The following NAIP variants were observed in gnomAD, a reference collection of about 807,000 sequenced individuals.
The protein encoded by NAIP is NLR family apoptosis inhibitory protein, also known as baculoviral IAP repeat-containing protein 1.
In NAIP, 15 loss-of-function variants were observed where a neutral mutation model predicts 23.0. That is an observed-to-expected ratio of 0.65 (90% CI 0.44 to 1.00). NAIP has a LOEUF of 1.00. Among genes scored for constraint, NAIP ranks in the 50% least tolerant of loss-of-function variants. The pLI is 0.00. For missense variants in NAIP, 265 were observed against 278.8 expected, an observed-to-expected ratio of 0.95 and a Z score of 0.35; for synonymous variants, 100 against 100.2, an observed-to-expected ratio of 1.00 and a Z score of 0.01.
Position 71,012,768 on chromosome 5 carries a change from G to T in NAIP, c.148C>A (p.Gln50Lys). ...CGCATTTGAGAGTTGTAGCCTTTCT[G>T]CATTTTTGCTCGCTCCTTCTGCTCC... ...EEEQKERAKM[Q>K]KGYNSQMRSE... The change falls in exon 4 of 17, where the codon CAG becomes AAG. Residue 50 changes from glutamine (Q) to lysine (K), a missense_variant. By Grantham distance (53) the Gln-to-Lys change is moderately conservative. Around this residue, in one of 2 missense-constraint regions of NAIP, gnomAD observed 261 missense variants for 259.2 expected, o/e 1.01. Transcript: ENST00000517649. 4 of 1,611,902 alleles carry T rather than the reference G, an allele frequency of 2.5e-6. No homozygotes were observed. The highest frequency in any genetic ancestry group is 3.4e-6 in the Non-Finnish European group (4 of 1,178,510).
In NAIP at chr5:71,011,294, G is replaced by A; in HGVS notation, c.649C>T (p.His217Tyr). 6.2e-7 allele frequency: 1 copy of A among 1,601,116 alleles called. No individual in the cohort carries two copies. Residue 217 changes from histidine (H) to tyrosine (Y), a missense_variant, in exon 5 of 17, where the codon CAT becomes TAT. His to Tyr is a moderately conservative substitution (Grantham distance 83). Around this residue, in one of 2 missense-constraint regions of NAIP, gnomAD observed 261 missense variants for 259.2 expected, o/e 1.01. Coordinates refer to ENST00000517649, the MANE Select transcript of NAIP (RefSeq NM_004536.3). ...ACTTACTTGGGGAACCATTTGGCATGTTCCTTCCAAGGATCATCTCCTTCT... is the reference window on the plus strand; with the variant it reads ...ACTTACTTGGGGAACCATTTGGCATATTCCTTCCAAGGATCATCTCCTTCT... Reference protein sequence around the residue: ...WEEGDDPWKEHAKWFPKCEFL... With the variant: ...WEEGDDPWKEYAKWFPKCEFL...
chr5:71,017,722 G>C, intron 3 of NAIP, among the ~76,000 whole-genome samples: 1 of 71,738 alleles, frequency 1.4e-5, no homozygotes, highest in Non-Finnish European at 3.2e-5. Flanking sequence ...TTTATTTTTA[G>C]TAGAGACAGG....
intron 3 of NAIP, among the ~76,000 whole-genome samples, chr5:71,014,993 A>G (rs1751365620): frequency 6.6e-6 from 1 of 151,754 alleles, no homozygotes; most frequent in African/African-American, 2.4e-5. Context: ...GATAATTTAA[A>G]TGTCCTGTGG....
At position 70,982,606 on chromosome 5, in the gene NAIP, G is replaced by A. The variant is rs1227049831; in HGVS notation, c.3274+1169C>T. On this transcript the variant is annotated intron_variant, in intron 12 of 16. Coordinates refer to ENST00000517649, the MANE Select transcript of NAIP (RefSeq NM_004536.3). ...GAAAATAGAAGAGAAGTTATCAGGG[G>A]CTGGTGGGAGGGAAGATTTTTTTTT... Among the ~76,000 whole-genome samples the A allele has an allele frequency of 1.3e-4, 2 of 14,840 alleles. 1 individual carries two copies. The highest frequency in any genetic ancestry group is 1.8e-3 in the African/African-American group (2 of 1,132). 9.7% of individuals were successfully genotyped at this position (14,840 alleles called of 152,430 possible).
rs139139439 is a variant in NAIP, at chr5:71,012,867, G to T, written c.49C>A (p.His17Asn). ...GCAGACAGCTCTGGCAGCAAATTGTGATCAAACTGGGAGATCCTCTCGTCA... is the reference window on the plus strand; with the variant it reads ...GCAGACAGCTCTGGCAGCAAATTGTTATCAAACTGGGAGATCCTCTCGTCA... ...ASDERISQFDHNLLPELSALL... is the reference protein window; with the variant it reads ...ASDERISQFDNNLLPELSALL... The change falls in exon 4 of 17, where the codon CAC (histidine) becomes AAC (asparagine). Residue 17 changes from histidine to asparagine, a missense_variant. His to Asn is a moderately conservative substitution (Grantham distance 68). Coordinates refer to ENST00000517649, the MANE Select transcript of NAIP (RefSeq NM_004536.3). 47 of 1,608,704 alleles carry T rather than the reference G, an allele frequency of 2.9e-5. No individual in the cohort carries two copies. The African/African-American group carries it at 5.4e-4, about 18-fold the overall frequency.
chr5:71,007,516 AC>A (rs1410501226), intron 5 of NAIP, among the ~76,000 whole-genome samples: 1 of 93,910 alleles, frequency 1.1e-5, no homozygotes, highest in Non-Finnish European at 2.1e-5. Flanking sequence ...TCACTACTTC[AC>A]CCCCTGACAA....
chr5:70,977,916 A>T (rs1750346018), intron 13 of NAIP, among the ~76,000 whole-genome samples: 1 of 119,790 alleles, frequency 8.3e-6, no homozygotes, highest in African/African-American at 2.6e-5. Flanking sequence ...AATTGCTTGA[A>T]CCCAGGAGAC....
intron 6 of NAIP, among the ~76,000 whole-genome samples, chr5:71,002,672 TC>T (rs1750864561): frequency 1.3e-5 from 1 of 78,374 alleles, no homozygotes; most frequent in Non-Finnish European, 2.6e-5. Context: ...CGTCTCGGCC[TC>T]CCAAAGTGCT....
At chr5:71,002,782 C>CA in intron 6 of NAIP, 1 of 87,216 alleles carries the variant, frequency 1.1e-5, no homozygotes, top group Admixed American at 1.3e-4. Context: ...CTCGGCCTCC[C>CA]AAAGGGCTGG....
chr5:71,012,117 C>T (rs1020806073), intron 4 of NAIP, among the ~76,000 whole-genome samples: 3 of 151,408 alleles, frequency 2.0e-5, no homozygotes, highest in African/African-American at 4.9e-5. Flanking sequence ...TTTAAGGAGA[C>T]GTAACTTTCT....
In NAIP at chr5:70,979,584, A is replaced by AAAAT. The variant is rs1331000647; in HGVS notation, c.3442+284_3442+285insATTT. ...CGGGAGACTGTCTCAAAAAAAAAAA[A>AAAAT]AATAATAATAATAATAATAATAATA... On this transcript the variant is annotated intron_variant, in intron 13 of 16. Coordinates refer to ENST00000517649, the MANE Select transcript of NAIP (RefSeq NM_004536.3). 7.1e-3 allele frequency among the ~76,000 whole-genome samples: 304 copies of AAAAT among 42,782 alleles called. 14 individuals are homozygous for AAAAT. The highest frequency in any genetic ancestry group is 0.032 in the African/African-American group (290 of 9,198). 28.1% of individuals were successfully genotyped at this position (42,782 alleles called of 152,430 possible). A position where few individuals can be genotyped will look rare whatever the true frequency, so the allele number is the denominator to read the frequency against.
chr5:71,011,697 A>T, intron 4 of NAIP: 2 of 470,834 alleles, frequency 4.2e-6, no homozygotes, highest in South Asian at 2.2e-5. Flanking sequence ...AGTAACGTGC[A>T]ATTAGAAAAC....
intron 3 of NAIP, among the ~76,000 whole-genome samples, chr5:71,016,009 G>A (rs1237886233): frequency 7.1e-6 from 1 of 141,372 alleles, no homozygotes; most frequent in South Asian, 2.3e-4. Flanking sequence ...CTGAGGGTGC[G>A]GTGACTCATA....
At chr5:71,014,220 C>G (rs1751321168) in intron 3 of NAIP, among the ~76,000 whole-genome samples, 1 of 151,082 alleles carries the variant, frequency 6.6e-6, no homozygotes, top group South Asian at 2.1e-4. Flanking sequence ...GCCTCAGCCT[C>G]CTGAGTAGCT....
chr5:71,015,871 G>A (rs1208280787), intron 3 of NAIP, among the ~76,000 whole-genome samples: 1 of 130,098 alleles, frequency 7.7e-6, no homozygotes, highest in Non-Finnish European at 1.7e-5. Context: ...CCACGAGGCA[G>A]AGGTTGCAGT....
At chr5:71,017,928 A>G (rs558493620) in intron 3 of NAIP, among the ~76,000 whole-genome samples, 4 of 133,280 alleles carry the variant, frequency 3.0e-5, no homozygotes, top group Non-Finnish European at 6.6e-5. Context: ...GCATGATTCT[A>G]GCTCACTGCA....
Position 71,012,513 on chromosome 5 carries a change from T to G in NAIP, c.403A>C (p.Ile135Leu). 6.2e-7 allele frequency: 1 copy of G among 1,611,780 alleles called. No individual in the cohort carries two copies. The highest frequency in any genetic ancestry group is 8.5e-7 in the Non-Finnish European group (1 of 1,178,478). ...GFLLNKDVGN[I>L]AKYDIRVKNL... The stretch of plus-strand genomic sequence containing the variant: ...TTCACCCTTATGTCGTACTTGGCAA[T>G]GTTACCAACATCCTTGTTCAAAAGG... Residue 135 changes from isoleucine (I) to leucine (L), a missense_variant, in exon 4 of 17, where the codon ATT (isoleucine) becomes CTT (leucine). Transcript: ENST00000517649.
intron 4 of NAIP, 30 bp from the exon 5 acceptor site, chr5:71,011,404 C>G (rs1485355702): frequency 1.3e-6 from 2 of 1,520,410 alleles, no homozygotes; most frequent in Non-Finnish European, 1.8e-6. Context: ...TTTAGATTGC[C>G]TGGCAGTGGC....
intron 5 of NAIP, among the ~76,000 whole-genome samples, chr5:71,008,903 G>A (rs1399775769): frequency 7.5e-6 from 1 of 133,984 alleles, no homozygotes; most frequent in Non-Finnish European, 1.6e-5. Context: ...GAAGGTAGAG[G>A]AACATGTTAG....
Sources: allele counts gnomAD v4.1 joint callset (sites outside exome capture counted in the v4.1 genomes callset), GRCh38; gene constraint gnomAD v4.1.1; regional missense constraint gnomAD v4.1.1; transcripts MANE v1.5; gene names NCBI Gene and HGNC (gene_info 2026-07-23, HGNC 2026-07-21).